Variants in NDUFAF6 observed in about 807,000 individuals in gnomAD.
NDUFAF6 encodes NADH:ubiquinone oxidoreductase complex assembly factor 6.
A neutral mutation model predicts 40.8 loss-of-function variants in NDUFAF6; 45 were observed. The ratio of observed to expected loss-of-function variants is 1.10; its 90% CI spans 0.87 to 1.42. NDUFAF6 has a LOEUF of 1.42. Among genes scored for constraint, NDUFAF6 ranks in the 40% most tolerant of loss-of-function variants. NDUFAF6 has a pLI of 0.00. For missense variants in NDUFAF6, 435 were observed against 418.5 expected (o/e 1.04, Z -0.34); for synonymous variants, 185 against 155.9 (o/e 1.19, Z -1.39).
intron 1 of NDUFAF6, among the ~76,000 whole-genome samples, chr8:94,941,848 C>T (rs1414477237): frequency 6.6e-6 from 1 of 152,210 alleles, no homozygotes; most frequent in African/African-American, 2.4e-5. Context: ...GAACTCCAGG[C>T]TTGCTTGATC....
intron 1 of NDUFAF6, among the ~76,000 whole-genome samples, chr8:94,973,810 C>T (rs187610299): frequency 1.5e-3 from 221 of 150,290 alleles, no homozygotes; most frequent in African/African-American, 4.4e-3. Context: ...ACTTGAGGCC[C>T]AGAGTTCAGG....
chr8:95,079,786 C>A (rs1318458324), downstream of NDUFAF6, among the ~76,000 whole-genome samples: 3 of 151,464 alleles, frequency 2.0e-5, no homozygotes, highest in East Asian at 5.8e-4. Context: ...GCAATCTCGG[C>A]CCATTGCAAC....
intron 3 of NDUFAF6, among the ~76,000 whole-genome samples, chr8:95,039,694 C>A (rs1014043707): frequency 2.6e-5 from 4 of 151,700 alleles, no homozygotes; most frequent in Non-Finnish European, 5.9e-5. Flanking sequence ...GTGTGGTGAT[C>A]ATAGCTCACT....
intron 1 of NDUFAF6, among the ~76,000 whole-genome samples, chr8:94,925,281 T>G (rs1819791467): frequency 1.3e-5 from 2 of 152,238 alleles, no homozygotes; most frequent in South Asian, 4.1e-4. Flanking sequence ...GAATGTTTAC[T>G]GGCCTATTGA....
intron 1 of NDUFAF6, among the ~76,000 whole-genome samples, chr8:94,960,336 A>G (rs1052921015): frequency 2.6e-5 from 4 of 152,156 alleles, no homozygotes; most frequent in East Asian, 1.9e-4. Context: ...CGACTCTGCT[A>G]TTTTCATCAT....
chr8:94,995,347 A>G (rs115557885), intron 2 of NDUFAF6, among the ~76,000 whole-genome samples: 1,543 of 152,348 alleles, frequency 0.01, 29 homozygotes, highest in African/African-American at 0.035. Flanking sequence ...ATGGGCATAC[A>G]GTTTCAGTTT....
At chr8:95,091,037 TATATTAATAAACTC>T (rs1035812088) in intron 2 of NDUFAF6, among the ~76,000 whole-genome samples, 1 of 14,598 alleles carries the variant, frequency 6.9e-5, no homozygotes, top group Admixed American at 1.1e-3. Context: ...AACTCATATA[TATATTAATAAACTC>T]ATATATATAT....
rs193042661 is a variant in NDUFAF6, at chr8:95,050,726, A to G, written c.817-1448A>G. 1.1e-3 allele frequency among the ~76,000 whole-genome samples: 173 copies of G among 152,304 alleles called. 1 individual carries two copies. The highest frequency in any genetic ancestry group is 3.9e-3 in the African/African-American group (164 of 41,564). On this transcript the variant is annotated intron_variant, in intron 7 of 8. Coordinates refer to ENST00000396124, the MANE Select transcript of NDUFAF6 (RefSeq NM_152416.4). ...ATGAGAGTTTAGAGGTTGGGTGATC[A>G]GTTAGGAGACTTAGGAGAGGAAGAA... is the stretch of plus-strand genomic sequence containing the variant.
At chr8:95,022,302 CA>C (rs532611793), upstream of NDUFAF6, among the ~76,000 whole-genome samples, 29 of 151,302 alleles carry the variant, frequency 1.9e-4, no homozygotes, top group African/African-American at 6.8e-4. Context: ...CAAGAATGGC[CA>C]GGAAGACCGG....
chr8:94,917,901 G>A (rs181064109), intron 1 of NDUFAF6, among the ~76,000 whole-genome samples: 5 of 152,010 alleles, frequency 3.3e-5, no homozygotes, highest in South Asian at 2.1e-4. Flanking sequence ...TGCTTCTTAC[G>A]TGCAAGAATA....
chr8:95,104,796 T>G (rs77157709), downstream of NDUFAF6, among the ~76,000 whole-genome samples: 2,136 of 152,248 alleles, frequency 0.014, 50 homozygotes, highest in African/African-American at 0.049. Context: ...TGTTCCAGGC[T>G]GGGCACCTGA....
At chr8:95,108,424 G>T (rs770227431), downstream of NDUFAF6, among the ~76,000 whole-genome samples, 2 of 152,116 alleles carry the variant, frequency 1.3e-5, no homozygotes, top group Non-Finnish European at 2.9e-5. Context: ...GAGCCTCAAA[G>T]ACATTGTACT....
At chr8:94,899,160 A>T (rs1039014771) in intron 1 of NDUFAF6, among the ~76,000 whole-genome samples, 8 of 152,210 alleles carry the variant, frequency 5.3e-5, no homozygotes, top group Non-Finnish European at 1.0e-4. Context: ...CGGCCTCCCA[A>T]AGTGCTGGGA....
At chr8:95,074,120 G>A (rs1832959458) in intron 9 of NDUFAF6, among the ~76,000 whole-genome samples, 1 of 152,078 alleles carries the variant, frequency 6.6e-6, no homozygotes, top group Non-Finnish European at 1.5e-5. Flanking sequence ...TGATTTGATC[G>A]TTGTTGAGGC....
At chr8:95,113,172 TG>T (rs1350209010) in intron 4 of NDUFAF6, among the ~76,000 whole-genome samples, 3 of 152,232 alleles carry the variant, frequency 2.0e-5, no homozygotes, top group African/African-American at 4.8e-5. Context: ...CCTGGTGGCC[TG>T]ACTTTAGTCT....
At chr8:94,993,392 C>T (rs1047491118) in intron 2 of NDUFAF6, among the ~76,000 whole-genome samples, 1 of 152,198 alleles carries the variant, frequency 6.6e-6, no homozygotes, top group African/African-American at 2.4e-5. Context: ...GCTGTCCTCC[C>T]CAGTAAGGGG....
At chr8:95,017,893 C>T (rs1827531549) in intron 2 of NDUFAF6, among the ~76,000 whole-genome samples, 2 of 152,284 alleles carry the variant, frequency 1.3e-5, no homozygotes, top group Admixed American at 6.5e-5. Flanking sequence ...TGAAGAAAGA[C>T]ATTTTGTCAT....
At chr8:94,957,068 A>C (rs1823146430), upstream of NDUFAF6, among the ~76,000 whole-genome samples, 1 of 152,184 alleles carries the variant, frequency 6.6e-6, no homozygotes, top group Non-Finnish European at 1.5e-5. Flanking sequence ...GCTGCACGGG[A>C]GGCTGAGGCA....
chr8:95,013,380 G>C (rs1332055469), intron 2 of NDUFAF6, among the ~76,000 whole-genome samples: 1 of 152,302 alleles, frequency 6.6e-6, no homozygotes, highest in East Asian at 1.9e-4. Flanking sequence ...TTCTGGGATT[G>C]CAGGTGTGAG....
Sources: allele counts gnomAD v4.1 joint callset (sites outside exome capture counted in the v4.1 genomes callset), GRCh38; gene constraint gnomAD v4.1.1; transcripts MANE v1.5; gene names NCBI Gene and HGNC (gene_info 2026-07-23, HGNC 2026-07-21).